The following SLC22A4 variants were observed in gnomAD, a reference collection of about 807,000 sequenced individuals.
SLC22A4 encodes the protein ET transporter.
Under a neutral mutation model 56.6 loss-of-function variants are expected in SLC22A4, and 39 were observed. The observed-to-expected ratio is 0.69, with a 90% CI of 0.53 to 0.90. The LOEUF (loss-of-function observed/expected upper bound fraction) is 0.90, where lower values mean the gene tolerates loss of function less well. Ranked by LOEUF, SLC22A4 falls within the 40% of genes least tolerant of loss-of-function variation. SLC22A4 has a pLI of 0.00. For synonymous variants in SLC22A4, 241 were observed against 281.4 expected (o/e 0.86, Z 1.44); for missense variants, 594 against 696.5 (o/e 0.85, Z 1.66).
Position 132,340,620 on chromosome 5 carries a change from T to G in SLC22A4, c.1500T>G (p.Ile500Met). ...YIVMGSLTVL[I>M]GILTLFFPES... ...TCATGGGTAGTCTGACTGTCCTGAT[T>G]GGAATCCTCACCCTTTTTTTCCCTG... Residue 500 changes from isoleucine (I) to methionine (M), a missense_variant, in exon 9 of 10, where the codon ATT becomes ATG. Ile to Met is a conservative substitution (Grantham distance 10). Transcript: ENST00000200652. 6.2e-7 allele frequency: 1 copy of G among 1,613,930 alleles called. No homozygotes were observed. The highest frequency in any genetic ancestry group is 8.5e-7 in the Non-Finnish European group (1 of 1,179,806).
chr5:132,339,728 G>A (rs1014771907), intron 8 of SLC22A4, among the ~76,000 whole-genome samples: 1 of 152,092 alleles, frequency 6.6e-6, no homozygotes, highest in African/African-American at 2.4e-5. Context: ...CATAAGACAG[G>A]GAGTCCAAGA....
At chr5:132,297,395 C>T (rs1039119724) in intron 1 of SLC22A4, among the ~76,000 whole-genome samples, 3 of 152,046 alleles carry the variant, frequency 2.0e-5, no homozygotes, top group African/African-American at 7.2e-5. Flanking sequence ...GAAGCAAGTA[C>T]CAGGGTAAGC....
At chr5:132,327,435 C>T (rs766648476) in intron 5 of SLC22A4, 32 bp downstream of exon 5, 1 of 1,589,018 alleles carries the variant, frequency 6.3e-7, no homozygotes, top group Non-Finnish European at 8.6e-7. Flanking sequence ...CTCTTGAGAT[C>T]AGCTATGCAT....
At chr5:132,343,627 G>A (rs1241455064) in intron 9 of SLC22A4, 133 bp from the exon 10 acceptor site, 8 of 655,652 alleles carry the variant, frequency 1.2e-5, no homozygotes, top group Non-Finnish European at 1.6e-5. Context: ...TACACCATGA[G>A]GTTCTCATTA....
intron 1 of SLC22A4, 116 bp from the exon 2 acceptor site, chr5:132,312,045 C>A: frequency 1.3e-6 from 1 of 784,522 alleles, no homozygotes; most frequent in Non-Finnish European, 2.3e-6. Context: ...AGGCAATATC[C>A]TGGCCCAGGG....
At chr5:132,295,174 T>A in intron 1 of SLC22A4, 165 bp downstream of exon 1, 1 of 824,222 alleles carries the variant, frequency 1.2e-6, no homozygotes, top group Non-Finnish European at 2.1e-6. Context: ...AGAATAGGAC[T>A]CACGCGAGGC....
At position 132,332,056 on chromosome 5, in the gene SLC22A4, G is replaced by A. The variant is rs951325339; in HGVS notation, c.1046+206G>A. On this transcript the variant is annotated intron_variant, in intron 6 of 9. Coordinates refer to ENST00000200652, the MANE Select transcript of SLC22A4 (RefSeq NM_003059.3). ...TCACTGGGCGCAATGGCTTACGCCT[G>A]TAATTCCAGCACTTTGGGAGGCCAA... 3.1e-4 allele frequency: 164 copies of A among 527,862 alleles called. 1 individual carries two copies. The highest frequency in any genetic ancestry group is 3.0e-3 in the African/African-American group (157 of 52,322). The allele number at this position is 527,862 out of a possible 1,614,324, so 32.7% of individuals were successfully genotyped here.
At chr5:132,327,187 A>G in intron 4 of SLC22A4, 90 bp from the exon 5 acceptor site, 1 of 1,083,782 alleles carries the variant, frequency 9.2e-7, no homozygotes, top group South Asian at 1.6e-5. Context: ...AGAATTTTAC[A>G]AAATTAAAAC....
intron 3 of SLC22A4, among the ~76,000 whole-genome samples, chr5:132,321,362 G>A (rs1440311588): frequency 6.6e-6 from 1 of 152,142 alleles, no homozygotes; most frequent in East Asian, 1.9e-4. Context: ...GGGTAAGTGT[G>A]CCCTGAGGTC....
intron 1 of SLC22A4, among the ~76,000 whole-genome samples, chr5:132,306,433 ATATATATATAGTTGTTGTT>A (rs1750040299): frequency 1.5e-5 from 1 of 67,792 alleles, no homozygotes; most frequent in African/African-American, 7.3e-5. Flanking sequence ...ATATATATAT[ATATATATATAGTTGTTGTT>A]GTTGTTGTTG....
At position 132,327,387 on chromosome 5, in the gene SLC22A4, T is replaced by C. The variant is rs1331488861; in HGVS notation, c.935T>C (p.Ile312Thr). ...KMNNIAVPAVIFDSVEELNPL... is the reference protein window; with the variant it reads ...KMNNIAVPAVTFDSVEELNPL... ...AACAACATAGCTGTACCAGCAGTGA[T>C]ATTTGATTCTGTGGAGGTAAGCATT... The change falls in exon 5 of 10, where the codon ATA becomes ACA. Residue 312 changes from isoleucine (I) to threonine (T), a missense_variant. Coordinates refer to ENST00000200652, the MANE Select transcript of SLC22A4 (RefSeq NM_003059.3). 2.5e-6 allele frequency: 4 copies of C among 1,612,854 alleles called. No individual in the cohort carries two copies. The highest frequency in any genetic ancestry group is 3.4e-6 in the Non-Finnish European group (4 of 1,178,846).
Position 132,315,980 on chromosome 5 carries a change from G to T in SLC22A4, c.652+2212G>T, listed in dbSNP as rs549327511. Among the ~76,000 whole-genome samples the T allele has an allele frequency of 3.3e-3, 509 of 152,316 alleles. 4 individuals carry two copies. The highest frequency in any genetic ancestry group is 0.012 in the African/African-American group (486 of 41,556). ...GGGGACACAGTACAAAGGCAAGGTG[G>T]CTGCTAGCTTCCCTACAGTGCAGCA... is the stretch of plus-strand genomic sequence containing the variant. On this transcript the variant is annotated intron_variant, in intron 3 of 9. Coordinates refer to ENST00000200652, the MANE Select transcript of SLC22A4 (RefSeq NM_003059.3).
rs746098746 is a variant in SLC22A4, at chr5:132,322,356, G to T, written c.824+1G>T. The T allele has an allele frequency of 5.6e-6, 9 of 1,613,138 alleles. No individual in the cohort carries two copies. The Admixed American group carries it at 1.5e-4, about 27-fold the overall frequency. ...GAGTGCTGTGTGTCCCGCTGTGGTGGTGAGTGTGACTCGTCCCCAGACAGG... is the reference window on the plus strand; with the variant it reads ...GAGTGCTGTGTGTCCCGCTGTGGTGTTGAGTGTGACTCGTCCCCAGACAGG... On this transcript the variant is annotated splice_donor_variant, in intron 4 of 9. Transcript: ENST00000200652. LOFTEE classifies it high-confidence loss of function.
At chr5:132,325,726 T>C (rs931072940) in intron 4 of SLC22A4, among the ~76,000 whole-genome samples, 1 of 152,178 alleles carries the variant, frequency 6.6e-6, no homozygotes, top group Non-Finnish European at 1.5e-5. Context: ...CCATTGTAAA[T>C]TGAGAATATT....
intron 5 of SLC22A4, among the ~76,000 whole-genome samples, chr5:132,329,860 T>A (rs1406687859): frequency 1.3e-5 from 2 of 152,164 alleles, no homozygotes; most frequent in African/African-American, 4.8e-5. Flanking sequence ...GCTTTAAGAA[T>A]ACAGATTCTC....
intron 9 of SLC22A4, among the ~76,000 whole-genome samples, chr5:132,341,568 G>C (rs1751219154): frequency 1.3e-5 from 2 of 152,150 alleles, no homozygotes; most frequent in South Asian, 4.1e-4. Flanking sequence ...ATAAAAAGTA[G>C]CAAAGTCAAG....
chr5:132,322,755 G>A (rs535597758), intron 4 of SLC22A4, among the ~76,000 whole-genome samples: 1 of 152,242 alleles, frequency 6.6e-6, no homozygotes, highest in South Asian at 2.1e-4. Flanking sequence ...ATAACGATTA[G>A]CATCTATGAA....
chr5:132,326,165 T>C (rs760475790), intron 4 of SLC22A4, among the ~76,000 whole-genome samples: 1 of 152,248 alleles, frequency 6.6e-6, no homozygotes. Context: ...CCTTGAATTC[T>C]TTCCTGGGCA....
At chr5:132,295,112 C>T in intron 1 of SLC22A4, 103 bp downstream of exon 1, 1 of 1,248,794 alleles carries the variant, frequency 8.0e-7, no homozygotes, top group South Asian at 1.3e-5. Context: ...GCGCTCCCCT[C>T]CCCCTCAAAC....
Sources: allele counts gnomAD v4.1 joint callset (sites outside exome capture counted in the v4.1 genomes callset), GRCh38; gene constraint gnomAD v4.1.1; transcripts MANE v1.5; gene names NCBI Gene and HGNC (gene_info 2026-07-23, HGNC 2026-07-21).